Variants in SQSTM1 observed in about 807,000 individuals in gnomAD.
SQSTM1 encodes the protein sequestosome-1.
A neutral mutation model predicts 45.1 loss-of-function variants in SQSTM1; 36 were observed. The ratio of observed to expected loss-of-function variants is 0.80; its 90% confidence interval spans 0.61 to 1.05. SQSTM1 has a LOEUF of 1.05. Among genes scored for constraint, SQSTM1 ranks in the 50% least tolerant of loss-of-function variants. The pLI is 0.00. For missense variants in SQSTM1, 617 were observed against 607.1 expected (o/e 1.02, Z -0.17); for synonymous variants, 290 against 244.3 (o/e 1.19, Z -1.74).
In SQSTM1 at chr5:179,806,524, G is replaced by A. The variant is rs1239857486; in HGVS notation, c.-224G>A. ...TGAGTGCCGCGTACCAGGACAGCGAGAGGAAGGCGCACAGGCAGAAGAGCA... is the reference window on the plus strand; with the variant it reads ...TGAGTGCCGCGTACCAGGACAGCGAAAGGAAGGCGCACAGGCAGAAGAGCA... On this transcript the variant is annotated 5_prime_UTR_variant, in exon 1 of 6. Coordinates refer to the SQSTM1 transcript ENST00000514093. The surrounding 1 kb of genome is among the most constrained non-coding windows in gnomAD (Gnocchi z 4.6). 1 of 1,340,142 alleles carries A rather than the reference G, an allele frequency of 7.5e-7. No homozygotes were observed. The highest frequency in any genetic ancestry group is 9.8e-7 in the Non-Finnish European group (1 of 1,020,578). The allele number at this position is 1,340,142 out of a possible 1,614,324, so 83.0% of individuals were successfully genotyped here.
chr5:179,816,728 G>T (rs1757591318), upstream of SQSTM1, among the ~76,000 whole-genome samples: 1 of 152,134 alleles, frequency 6.6e-6, no homozygotes, highest in Non-Finnish European at 1.5e-5. Context: ...GGCTTGGGGC[G>T]CCTGGACCCT....
At chr5:179,817,132 G>A (rs35647750), upstream of SQSTM1, among the ~76,000 whole-genome samples, 15,039 of 151,704 alleles carry the variant, frequency 0.099, 908 homozygotes, top group Admixed American at 0.18. Context: ...TGGCGTCGCC[G>A]CTCGGGTGGG....
chr5:179,817,992 G>A (rs541525666), upstream of SQSTM1, among the ~76,000 whole-genome samples: 1 of 132,394 alleles, frequency 7.6e-6, no homozygotes, highest in African/African-American at 2.8e-5. Context: ...TTCAGCCTGG[G>A]TGACAGAGAG....
rs530525378 is a variant in SQSTM1, at chr5:179,828,654, G to A, written c.754+3428G>A. ...CTCCCAAAATGCTGGGATTACAGGC[G>A]TGAGCCACTGTACCCGGCAGCTTCA... On this transcript the variant is annotated intron_variant, in intron 5 of 7. Transcript: ENST00000389805. Among the ~76,000 whole-genome samples the A allele has an allele frequency of 4.6e-5, 7 of 152,256 alleles. No individual in the cohort carries two copies. The East Asian group carries it at 9.6e-4, about 21-fold the overall frequency.
chr5:179,833,073 A>C lies in SQSTM1; in HGVS notation c.796A>C (p.Ser266Arg), dbSNP rs535756371. ...DIDVEHGGKR[S>R]RLTPVSPESS... ...CGATGTGGAGCACGGAGGGAAAAGA[A>C]GCCGCCTGACCCCCGTCTCTCCAGA... The change falls in exon 6 of 8, where the codon AGC becomes CGC. Residue 266 changes from serine (S) to arginine (R), a missense_variant. Physicochemically the swap from Ser to Arg is moderately radical, Grantham distance 110 (BLOSUM62 -1). Transcript: ENST00000389805. The C allele has an allele frequency of 3.7e-6, 6 of 1,614,206 alleles. No homozygotes were observed. The highest frequency in any genetic ancestry group is 2.2e-5 in the East Asian group (1 of 44,878).
rs1317780724 is a variant in SQSTM1 at position 179,825,128 on chromosome 5, T to G, written c.674-18T>G. 6.2e-7 allele frequency: 1 copy of G among 1,612,858 alleles called. No individual in the cohort carries two copies. The highest frequency in any genetic ancestry group is 8.5e-7 in the Non-Finnish European group (1 of 1,178,984). On this transcript the variant is annotated intron_variant, in intron 4 of 7. Coordinates refer to ENST00000389805, the MANE Select transcript of SQSTM1 (RefSeq NM_003900.5). Reference sequence around the variant, plus strand: ...AGGCATTAAAGATATCTTTATCTTATCTTTGTAAAAATCAAAGCTTCTGGT... The same window carrying G: ...AGGCATTAAAGATATCTTTATCTTAGCTTTGTAAAAATCAAAGCTTCTGGT...
At chr5:179,815,245 C>T (rs1380277490), upstream of SQSTM1, among the ~76,000 whole-genome samples, 2 of 152,084 alleles carry the variant, frequency 1.3e-5, no homozygotes, top group Admixed American at 1.3e-4. Flanking sequence ...GGTGAAACCC[C>T]GTCTCTACTA....
At chr5:179,809,637 C>CTTTTTTT (rs1181470503) in intron 1 of SQSTM1, among the ~76,000 whole-genome samples, 2 of 77,648 alleles carry the variant, frequency 2.6e-5, no homozygotes, top group Non-Finnish European at 4.8e-5. Flanking sequence ...GCGCCTGGCC[C>CTTTTTTT]TTTTTTTTTT....
At chr5:179,825,251 C>T (rs754226796) in intron 5 of SQSTM1, 25 bp downstream of exon 5, 3 of 1,584,436 alleles carry the variant, frequency 1.9e-6, no homozygotes, top group Non-Finnish European at 1.7e-6. Flanking sequence ...TTGCCCAGTG[C>T]TTCCCTAACT....
intron 5 of SQSTM1, among the ~76,000 whole-genome samples, chr5:179,829,930 C>T (rs1758143716): frequency 6.6e-6 from 1 of 152,116 alleles, no homozygotes; most frequent in African/African-American, 2.4e-5. Flanking sequence ...ACACCATCCC[C>T]CACTTCCCGT....
At position 179,806,637 on chromosome 5, in the gene SQSTM1, ACCGGGG is replaced by A. The variant is rs1314214910; in HGVS notation, c.-157+54_-157+59del. 1 of 985,828 alleles carries A rather than the reference ACCGGGG, an allele frequency of 1.0e-6. No individual in the cohort carries two copies. Among genetic ancestry groups the A allele is most frequent in the African/African-American group, 1.9e-5 (1 of 53,886 alleles). The allele number at this position is 985,828 out of a possible 1,614,324, so 61.1% of individuals were successfully genotyped here. Reference sequence around the variant, plus strand: ...GGGCCGAGGCTGCATGGCCCGGGGGACCGGGGCCGGGGCGCAGGGGTCGGAAGGCGG... The same window carrying A: ...GGGCCGAGGCTGCATGGCCCGGGGGACCGGGGCGCAGGGGTCGGAAGGCGG... On this transcript the variant is annotated intron_variant, in intron 1 of 5. Coordinates refer to the SQSTM1 transcript ENST00000514093. The surrounding 1 kb of genome is among the most constrained non-coding windows in gnomAD (Gnocchi z 4.6).
At chr5:179,812,583 C>T (rs1757460383) in intron 2 of SQSTM1, 1 of 152,268 alleles carries the variant, frequency 6.6e-6, no homozygotes, top group South Asian at 2.1e-4. Context: ...CAGCCATTGA[C>T]TTCTGGACAT....
intron 1 of SQSTM1, among the ~76,000 whole-genome samples, chr5:179,807,149 C>T (rs1437054219): frequency 6.7e-6 from 1 of 150,288 alleles, no homozygotes; most frequent in Non-Finnish European, 1.5e-5. Context: ...GAGTGCAGGT[C>T]GACCGCAGCC....
At position 179,833,022 on chromosome 5, in the gene SQSTM1, C is replaced by T. The variant is rs763522925; in HGVS notation, c.755-10C>T. 5.6e-6 allele frequency: 9 copies of T among 1,613,964 alleles called. No homozygotes were observed. The African/African-American group carries it at 9.3e-5, about 17-fold the overall frequency. ...ACTTCACGGCTTGCTCTTTCCTCCTCCGCCTCTAGGCATTGAAGTTGATAT... is the reference window on the plus strand; with the variant it reads ...ACTTCACGGCTTGCTCTTTCCTCCTTCGCCTCTAGGCATTGAAGTTGATAT... On this transcript the variant is annotated splice_polypyrimidine_tract_variant and intron_variant, in intron 5 of 7. Coordinates refer to ENST00000389805, the MANE Select transcript of SQSTM1 (RefSeq NM_003900.5).
chr5:179,829,313 G>A (rs1189348342), intron 5 of SQSTM1, among the ~76,000 whole-genome samples: 1 of 152,176 alleles, frequency 6.6e-6, no homozygotes, highest in Non-Finnish European at 1.5e-5. Context: ...CCAGAGAAGT[G>A]TCCTACAGCT....
rs752148473 is a variant in SQSTM1 at position 179,823,847 on chromosome 5, C to T, written c.302-11C>T. ...GTCCCACCCTAGCGGCTCTCTTTAC[C>T]CTTCCTGTAGAGAAAAAAGAGTGCC... On this transcript the variant is annotated splice_polypyrimidine_tract_variant and intron_variant, in intron 2 of 7. Transcript: ENST00000389805. 3 of 1,610,148 alleles carry T rather than the reference C, an allele frequency of 1.9e-6. No individual in the cohort carries two copies. The highest frequency in any genetic ancestry group is 1.7e-6 in the Non-Finnish European group (2 of 1,179,680).
At chr5:179,816,399 C>T (rs1175418254), upstream of SQSTM1, among the ~76,000 whole-genome samples, 2 of 148,390 alleles carry the variant, frequency 1.3e-5, no homozygotes, top group Non-Finnish European at 3.0e-5. Context: ...CCGCCCACCT[C>T]GGCCTCCCAG....
chr5:179,834,137 C>CAGGGAG (rs1758381316), intron 7 of SQSTM1, among the ~76,000 whole-genome samples: 1 of 128,028 alleles, frequency 7.8e-6, no homozygotes, highest in Admixed American at 9.1e-5. Context: ...AGTGCCGCCT[C>CAGGGAG]AGGGAGTGCT....
In SQSTM1 at chr5:179,822,987, A is replaced by C; in HGVS notation, c.235A>C (p.Ser79Arg). Residue 79 changes from serine (S) to arginine (R), a missense_variant, in exon 2 of 8, where the codon AGT becomes CGT. Ser to Arg is a moderately radical substitution (Grantham distance 110). Coordinates refer to ENST00000389805, the MANE Select transcript of SQSTM1 (RefSeq NM_003900.5). ...DEDGDLVAFS[S>R]DEELTMAMSY... ...GGACGGGGACTTGGTTGCCTTTTCCAGTGACGAGGAATTGACAATGGCCAT... is the reference window on the plus strand; with the variant it reads ...GGACGGGGACTTGGTTGCCTTTTCCCGTGACGAGGAATTGACAATGGCCAT... 1.9e-6 allele frequency: 3 copies of C among 1,614,144 alleles called. No homozygotes were observed. The highest frequency in any genetic ancestry group is 1.7e-6 in the Non-Finnish European group (2 of 1,180,008).
Sources: allele counts gnomAD v4.1 joint callset (sites outside exome capture counted in the v4.1 genomes callset), GRCh38; gene constraint gnomAD v4.1.1; non-coding constraint Gnocchi (gnomAD v3.1); transcripts MANE v1.5; gene names NCBI Gene and HGNC (gene_info 2026-07-23, HGNC 2026-07-21).